The following SLC22A23 variants were observed in gnomAD, a reference collection of about 807,000 sequenced individuals.
SLC22A23 encodes solute carrier family 22 member 23, also known as ion transporter protein.
In SLC22A23, 26 loss-of-function variants were observed where a neutral mutation model predicts 61.0. The ratio of observed to expected loss-of-function variants is 0.43; its 90% CI spans 0.31 to 0.59. The LOEUF is 0.59. Ranked by LOEUF, SLC22A23 falls within the 20% of genes least tolerant of loss-of-function variation. SLC22A23 has a pLI of 0.11. For synonymous variants in SLC22A23, 430 were observed against 413.9 expected, an observed-to-expected ratio of 1.04 and a Z score of -0.47; for missense variants, 796 against 934.7, an observed-to-expected ratio of 0.85 and a Z score of 1.94.
chr6:3,345,724 C>T (rs190024502), intron 3 of SLC22A23, among the ~76,000 whole-genome samples: 1 of 152,194 alleles, frequency 6.6e-6, no homozygotes, highest in African/African-American at 2.4e-5. Context: ...ATAAGAGAAA[C>T]GTGGGACTTG....
chr6:3,280,763 T>C (rs957992662), intron 9 of SLC22A23, among the ~76,000 whole-genome samples: 4 of 152,190 alleles, frequency 2.6e-5, no homozygotes, highest in Non-Finnish European at 5.9e-5. Context: ...CCCAAAGTGC[T>C]GGGATTACAG....
intron 3 of SLC22A23, among the ~76,000 whole-genome samples, chr6:3,326,363 G>A (rs753606729): frequency 1.3e-5 from 2 of 152,090 alleles, no homozygotes; most frequent in Non-Finnish European, 2.9e-5. Flanking sequence ...TATCGCATGC[G>A]ATCACATGCG....
chr6:3,346,105 G>T (rs1764419669), intron 3 of SLC22A23, among the ~76,000 whole-genome samples: 1 of 152,174 alleles, frequency 6.6e-6, no homozygotes, highest in African/African-American at 2.4e-5. Flanking sequence ...TGGTGCCAGT[G>T]AAACTTTTCC....
At position 3,322,024 on chromosome 6, in the gene SLC22A23, C is replaced by G. The variant is rs1171872330; in HGVS notation, c.1082+1810G>C. The stretch of plus-strand genomic sequence containing the variant: ...TGCATGTACCAGGGTGCCCGGCAGC[C>G]TACTTGGCGCTTTGGAGTACTGTAT... On this transcript the variant is annotated intron_variant, in intron 4 of 9. Coordinates refer to ENST00000406686, the MANE Select transcript of SLC22A23 (RefSeq NM_015482.2). This position sits in a 1 kb window ranked among gnomAD's most constrained non-coding sequence, Gnocchi z 4.1. Among the ~76,000 whole-genome samples the G allele has an allele frequency of 6.6e-6, 1 of 152,160 alleles. No homozygotes were observed. The highest frequency in any genetic ancestry group is 2.4e-5 in the African/African-American group (1 of 41,422).
At chr6:3,443,249 C>A (rs1323245253) in intron 1 of SLC22A23, among the ~76,000 whole-genome samples, 1 of 152,200 alleles carries the variant, frequency 6.6e-6, no homozygotes, top group Non-Finnish European at 1.5e-5. Flanking sequence ...AGGGACTCTG[C>A]ATTTTTATTT....
At chr6:3,293,983 G>A (rs1321182389) in intron 5 of SLC22A23, among the ~76,000 whole-genome samples, 1 of 152,150 alleles carries the variant, frequency 6.6e-6, no homozygotes, top group African/African-American at 2.4e-5. Flanking sequence ...GCCCGGAGAG[G>A]ACTGATGCTG....
At chr6:3,298,693 C>A (rs1761329708) in intron 4 of SLC22A23, among the ~76,000 whole-genome samples, 1 of 152,068 alleles carries the variant, frequency 6.6e-6, no homozygotes, top group Non-Finnish European at 1.5e-5. Flanking sequence ...ATGTTCCCGG[C>A]CGGGCGCGGT....
At chr6:3,413,156 A>T (rs1365110840) in intron 2 of SLC22A23, among the ~76,000 whole-genome samples, 1 of 152,226 alleles carries the variant, frequency 6.6e-6, no homozygotes, top group Non-Finnish European at 1.5e-5. Flanking sequence ...TTTACAGAAG[A>T]GTAAACAAGC....
At chr6:3,394,826 G>C (rs1345543862) in intron 3 of SLC22A23, among the ~76,000 whole-genome samples, 1 of 152,186 alleles carries the variant, frequency 6.6e-6, no homozygotes, top group Non-Finnish European at 1.5e-5. Flanking sequence ...ATCCTGTCTG[G>C]CCAGGCTCCC....
rs1329368606 is a variant in SLC22A23 at position 3,273,332 on chromosome 6, T to C, written c.1784A>G (p.Lys595Arg). Residue 595 changes from lysine (K) to arginine (R), a missense_variant, in exon 10 of 10, where the codon AAA becomes AGA. Physicochemically the swap from Lys to Arg is conservative, Grantham distance 26. Transcript: ENST00000406686. ...TAPIIELHNQ[K>R]GYFLHHIIFA... ...GATGATGTGGTGCAGGAAGTAGCCT[T>C]TCTGGTTGTGCAGCTCGATGATGGG... 2.5e-6 allele frequency: 4 copies of C among 1,613,952 alleles called. No homozygotes were observed. Among genetic ancestry groups the C allele is most frequent in the Non-Finnish European group, 3.4e-6 (4 of 1,180,000 alleles).
At chr6:3,426,353 C>CAGT (rs1770489964) in intron 1 of SLC22A23, among the ~76,000 whole-genome samples, 1 of 152,180 alleles carries the variant, frequency 6.6e-6, no homozygotes, top group African/African-American at 2.4e-5. Flanking sequence ...GACAGGGTGA[C>CAGT]CTGATGCACA....
rs545320702 is a variant in SLC22A23, at chr6:3,408,905, T to C, written c.913+1283A>G. Among the ~76,000 whole-genome samples, 185 of 152,336 alleles carry C rather than the reference T, an allele frequency of 1.2e-3. 2 individuals carry two copies. Among genetic ancestry groups the C allele is most frequent in the African/African-American group, 4.3e-3 (179 of 41,588 alleles). The stretch of plus-strand genomic sequence containing the variant: ...AAGGGTCCCGGCGCACTTGCACACA[T>C]GTGGGCCAAGGGATTGCCTGAGGGC... On this transcript the variant is annotated intron_variant, in intron 3 of 9. Transcript: ENST00000406686.
At chr6:3,298,243 T>C in intron 4 of SLC22A23, 25 bp from the exon 5 acceptor site, 1 of 1,580,484 alleles carries the variant, frequency 6.3e-7, no homozygotes, top group Non-Finnish European at 8.6e-7. Context: ...AGGGGATCAG[T>C]GAATGTCTTC....
At chr6:3,425,583 C>A (rs941004116) in intron 1 of SLC22A23, among the ~76,000 whole-genome samples, 1 of 152,004 alleles carries the variant, frequency 6.6e-6, no homozygotes, top group Non-Finnish European at 1.5e-5. Context: ...CGCACCCGGC[C>A]GAATAATTAT....
Position 3,373,823 on chromosome 6 carries a change from G to A in SLC22A23, c.913+36365C>T, listed in dbSNP as rs112717839. Among the ~76,000 whole-genome samples the A allele has an allele frequency of 5.9e-5, 9 of 152,286 alleles. 2 individuals are homozygous for A. The highest frequency in any genetic ancestry group is 2.2e-4 in the African/African-American group (9 of 41,556). On this transcript the variant is annotated intron_variant, in intron 3 of 9. Coordinates refer to ENST00000406686, the MANE Select transcript of SLC22A23 (RefSeq NM_015482.2). ...CAGAAACTTACGGTCCAGTAAAGGA[G>A]GCAGCAATGGAGATGATGATGATGG...
At chr6:3,293,804 T>G (rs113950775) in intron 5 of SLC22A23, among the ~76,000 whole-genome samples, 1 of 152,170 alleles carries the variant, frequency 6.6e-6, no homozygotes. Context: ...CTGAACAGAT[T>G]GTTAAGGCAG....
Position 3,283,869 on chromosome 6 carries a change from G to C in SLC22A23, c.1686C>G (p.Ile562Met), listed in dbSNP as rs199958017. The C allele has an allele frequency of 6.8e-6, 11 of 1,613,786 alleles. No homozygotes were observed. Among genetic ancestry groups the C allele is most frequent in the Non-Finnish European group, 9.3e-6 (11 of 1,179,970 alleles). Residue 562 changes from isoleucine (I) to methionine (M), a missense_variant, in exon 9 of 10, where the codon ATC becomes ATG. By Grantham distance (10) the Ile-to-Met change is conservative (BLOSUM62 1). Transcript: ENST00000406686. ...GSLSVFFCAE[I>M]TPTVIRCGGL... ...TGACGCACCTTATCACCGTCGGGGT[G>C]ATCTCCGCACAGAAGAACACGCTGA...
At chr6:3,405,323 T>C (rs941515374) in intron 3 of SLC22A23, among the ~76,000 whole-genome samples, 1 of 151,926 alleles carries the variant, frequency 6.6e-6, no homozygotes, top group Non-Finnish European at 1.5e-5. Flanking sequence ...ATTTCCTTGG[T>C]GGAAATAGCC....
At chr6:3,432,900 G>A (rs563440104) in intron 1 of SLC22A23, among the ~76,000 whole-genome samples, 87 of 152,278 alleles carry the variant, frequency 5.7e-4, no homozygotes, top group Non-Finnish European at 7.6e-4. Flanking sequence ...AGTGGCCTCC[G>A]GAACCTTGTG....
Sources: allele counts gnomAD v4.1 joint callset (sites outside exome capture counted in the v4.1 genomes callset), GRCh38; gene constraint gnomAD v4.1.1; non-coding constraint Gnocchi (gnomAD v3.1); transcripts MANE v1.5; gene names NCBI Gene and HGNC (gene_info 2026-07-23, HGNC 2026-07-21).